The following TP73 variants were observed in gnomAD, a reference collection of about 807,000 sequenced individuals.
TP73 encodes p53-like transcription factor.
A neutral mutation model predicts 62.5 loss-of-function variants in TP73; 25 were observed. The observed-to-expected ratio is 0.40, with a 90% CI of 0.29 to 0.56. TP73 has a LOEUF of 0.56. Among genes scored for constraint, TP73 ranks in the 20% least tolerant of loss-of-function variants. The probability of loss-of-function intolerance (pLI) is 0.46; values close to 1 mark genes in which losing one functional copy is unlikely to be tolerated. For synonymous variants in TP73, 423 were observed against 377.5 expected, an observed-to-expected ratio of 1.12 and a Z score of -1.40; for missense variants, 754 against 913.3, an observed-to-expected ratio of 0.83 and a Z score of 2.25.
At chr1:3,684,238 G>A (rs1224945338) in intron 3 of TP73, among the ~76,000 whole-genome samples, 1 of 152,330 alleles carries the variant, frequency 6.6e-6, no homozygotes, top group Admixed American at 6.5e-5. Context: ...CGCCTCCGCC[G>A]CCCAGGGATT....
chr1:3,732,694 C>A (rs149206128), intron 13 of TP73, 53 bp from the exon 14 acceptor site: 33 of 1,493,452 alleles, frequency 2.2e-5, no homozygotes, highest in African/African-American at 5.6e-5. Context: ...GGCGACCCCC[C>A]CTGCTCTCCC....
At chr1:3,695,547 C>T (rs551067111) in intron 3 of TP73, among the ~76,000 whole-genome samples, 4 of 152,348 alleles carry the variant, frequency 2.6e-5, no homozygotes, top group East Asian at 1.9e-4. Context: ...GCAGCACGGA[C>T]GGATCTGGAG....
chr1:3,721,997 C>T lies in TP73; in HGVS notation c.430-24C>T, dbSNP rs1402894770. The T allele has an allele frequency of 2.5e-6, 4 of 1,585,588 alleles. No individual in the cohort carries two copies. The Admixed American group carries it at 5.2e-5, about 21-fold the overall frequency. ...GGTGCAGTTGGGACCACTGGTCTCACCCGCTCCCTCTCCCCCACTCCAGTA... is the reference window on the plus strand; with the variant it reads ...GGTGCAGTTGGGACCACTGGTCTCATCCGCTCCCTCTCCCCCACTCCAGTA... On this transcript the variant is annotated intron_variant, in intron 4 of 13. Transcript: ENST00000378295.
intron 1 of TP73, among the ~76,000 whole-genome samples, chr1:3,681,285 C>T (rs151070411): frequency 0.012 from 1,883 of 152,332 alleles, 35 homozygotes; most frequent in Non-Finnish European, 0.014. Flanking sequence ...TGTCCCATAG[C>T]ACCTCACCGA....
rs370636186 is a variant in TP73 at position 3,716,650 on chromosome 1, G to A, written c.430-5371G>A. Among the ~76,000 whole-genome samples, 593 of 152,318 alleles carry A rather than the reference G, an allele frequency of 3.9e-3. 4 individuals carry two copies. The highest frequency in any genetic ancestry group is 0.014 in the African/African-American group (563 of 41,570). Reference sequence around the variant, plus strand: ...GCGACAGTGACTGTGCACCAGTGAAGGCCACAGCCTCCCACGAAGGGGGCT... The same window carrying A: ...GCGACAGTGACTGTGCACCAGTGAAAGCCACAGCCTCCCACGAAGGGGGCT... On this transcript the variant is annotated intron_variant, in intron 4 of 13. Coordinates refer to ENST00000378295, the MANE Select transcript of TP73 (RefSeq NM_005427.4).
intron 1 of TP73, among the ~76,000 whole-genome samples, chr1:3,656,703 A>T: frequency 6.6e-6 from 1 of 152,248 alleles, no homozygotes; most frequent in Non-Finnish European, 1.5e-5. Flanking sequence ...CCGTTGGCTC[A>T]GACACGGCCC....
chr1:3,697,870 C>T (rs1233689010), intron 3 of TP73, among the ~76,000 whole-genome samples: 1 of 152,192 alleles, frequency 6.6e-6, no homozygotes, highest in Non-Finnish European at 1.5e-5. Context: ...CGATGGCCCC[C>T]CACAGCCGTC....
chr1:3,669,722 C>T (rs935186188), intron 1 of TP73, among the ~76,000 whole-genome samples: 1 of 152,240 alleles, frequency 6.6e-6, no homozygotes, highest in Non-Finnish European at 1.5e-5. Flanking sequence ...ACGTGGACGG[C>T]AGGAAGGGGC....
Position 3,652,528 on chromosome 1 carries a change from C to G in TP73, c.-147C>G, listed in dbSNP as rs1644777322. The G allele has an allele frequency of 6.6e-6, 1 of 151,840 alleles. No homozygotes were observed. Among genetic ancestry groups the G allele is most frequent in the East Asian group, 1.9e-4 (1 of 5,180 alleles). 9.4% of individuals were successfully genotyped at this position (151,840 alleles called of 1,614,324 possible). A position where few individuals can be genotyped will look rare whatever the true frequency, so the allele number is the denominator to read the frequency against. On this transcript the variant is annotated 5_prime_UTR_variant, in exon 1 of 14. Coordinates refer to ENST00000378295, the MANE Select transcript of TP73 (RefSeq NM_005427.4). Reference sequence around the variant, plus strand: ...GGCCGGGCAGCCCGCCCTGCCTCCCCGCCCGCGCACCCGCCCGGAGGCTCG... The same window carrying G: ...GGCCGGGCAGCCCGCCCTGCCTCCCGGCCCGCGCACCCGCCCGGAGGCTCG...
chr1:3,678,587 G>A (rs1299587000), intron 1 of TP73, among the ~76,000 whole-genome samples: 6 of 152,256 alleles, frequency 3.9e-5, no homozygotes, highest in Non-Finnish European at 7.3e-5. Flanking sequence ...AAGTTCCTCC[G>A]TGTGCTTTAA....
At position 3,722,084 on chromosome 1, in the gene TP73, G is replaced by T. The variant is rs762384282; in HGVS notation, c.493G>T (p.Val165Leu). The T allele has an allele frequency of 6.2e-7, 1 of 1,612,996 alleles. No homozygotes were observed. Among genetic ancestry groups the T allele is most frequent in the Non-Finnish European group, 8.5e-7 (1 of 1,179,804 alleles). ...CAAGACATGCCCCATCCAGATCAAGGTGTCCACCCCGCCACCCCCAGGCAC... is the reference window on the plus strand; with the variant it reads ...CAAGACATGCCCCATCCAGATCAAGTTGTCCACCCCGCCACCCCCAGGCAC... ...IAKTCPIQIK[V>L]STPPPPGTAI... Residue 165 changes from valine (V) to leucine (L), a missense_variant, in exon 5 of 14, where the codon GTG (valine) becomes TTG (leucine). Physicochemically the swap from Val to Leu is conservative, Grantham distance 32 (BLOSUM62 1). Coordinates refer to ENST00000378295, the MANE Select transcript of TP73 (RefSeq NM_005427.4).
In TP73 at chr1:3,727,182, ACCGGCGGC is replaced by A. The variant is rs757114249; in HGVS notation, c.803_810del (p.Arg268HisfsTer21). The A allele has an allele frequency of 6.2e-7, 1 of 1,612,146 alleles. No homozygotes were observed. The highest frequency in any genetic ancestry group is 1.1e-5 in the South Asian group (1 of 91,074). On this transcript the variant is annotated frameshift_variant, in exon 7 of 14. Coordinates refer to ENST00000378295, the MANE Select transcript of TP73 (RefSeq NM_005427.4). LOFTEE classifies it high-confidence loss of function. The stretch of plus-strand genomic sequence containing the variant: ...AACAGCAGCTGTGTAGGGGGCATGA[ACCGGCGGC>A]CCATCCTCATCATCATCACCCTGGA...
At position 3,723,438 on chromosome 1, in the gene TP73, A is replaced by G; in HGVS notation, c.701A>G (p.Gln234Arg). 1 of 1,611,498 alleles carries G rather than the reference A, an allele frequency of 6.2e-7. No individual in the cohort carries two copies. Among genetic ancestry groups the G allele is most frequent in the Non-Finnish European group, 8.5e-7 (1 of 1,179,324 alleles). The change falls in exon 6 of 14, where the codon CAG (glutamine) becomes CGG (arginine). Residue 234 changes from glutamine (Q) to arginine (R), a missense_variant. Physicochemically the swap from Gln to Arg is conservative, Grantham distance 43. Around this residue, in one of 3 missense-constraint regions of TP73, gnomAD observed 61 missense variants for 133.2 expected, o/e 0.46. Transcript: ENST00000378295. ...GTGGATGACCCTGTCACCGGCAGGC[A>G]GAGCGTCGTGGTGCCCTATGAGCCA... ...QYVDDPVTGR[Q>R]SVVVPYEPPQ...
In TP73 at chr1:3,732,904, G is replaced by A. The variant is rs376429700; in HGVS notation, c.1736G>A (p.Arg579His). 1.3e-4 allele frequency: 212 copies of A among 1,610,974 alleles called. No homozygotes were observed. The highest frequency in any genetic ancestry group is 1.7e-4 in the Non-Finnish European group (202 of 1,179,572). The change falls in exon 14 of 14, where the codon CGC (arginine) becomes CAC (histidine). Residue 579 changes from arginine to histidine, a missense_variant. Physicochemically the swap from Arg to His is conservative, Grantham distance 29. Around this residue, in one of 3 missense-constraint regions of TP73, gnomAD observed 458 missense variants for 528.7 expected, o/e 0.87. Transcript: ENST00000378295. ...ATCGGCGGCTCAGGGGAACTGCAGCGCCAGCGGGTCATGGAGGCCGTGCAC... is the reference window on the plus strand; with the variant it reads ...ATCGGCGGCTCAGGGGAACTGCAGCACCAGCGGGTCATGGAGGCCGTGCAC... The part of the protein sequence containing the change: ...ISIGGSGELQ[R>H]QRVMEAVHFR...
intron 1 of TP73, among the ~76,000 whole-genome samples, chr1:3,658,586 G>A (rs1005048443): frequency 2.0e-5 from 3 of 152,170 alleles, no homozygotes; most frequent in South Asian, 2.1e-4. Flanking sequence ...CTTGGCGCGC[G>A]GCTCTCTTCC....
chr1:3,658,177 G>A (rs1397992170), intron 1 of TP73, among the ~76,000 whole-genome samples: 1 of 152,230 alleles, frequency 6.6e-6, no homozygotes, highest in African/African-American at 2.4e-5. Context: ...CCGTGGAGGG[G>A]ACATGGGGGA....
chr1:3,700,475 C>T (rs1382891625), intron 3 of TP73, among the ~76,000 whole-genome samples: 2 of 151,958 alleles, frequency 1.3e-5, no homozygotes, highest in Non-Finnish European at 2.9e-5. Context: ...AACAGGGACA[C>T]AAACTTGAAA....
rs374722422 is a variant in TP73 at position 3,672,510 on chromosome 1, C to T, written c.-33-9823C>T. Among the ~76,000 whole-genome samples the T allele has an allele frequency of 9.9e-5, 15 of 152,190 alleles. No homozygotes were observed. The East Asian group carries it at 1.4e-3, about 14-fold the overall frequency. On this transcript the variant is annotated intron_variant, in intron 1 of 13. Transcript: ENST00000378295. The surrounding 1 kb of genome is among the most constrained non-coding windows in gnomAD (Gnocchi z 5.3). ...CAGTCACCTGCCCTGCTGAGGGCAG[C>T]GCTGTACTCATCACCTGTGAACACA... is the stretch of plus-strand genomic sequence containing the variant.
At position 3,729,330 on chromosome 1, in the gene TP73, C is replaced by A. The variant is rs1275012082; in HGVS notation, c.1078C>A (p.Arg360=). 1 of 1,613,012 alleles carries A rather than the reference C, an allele frequency of 6.2e-7. No homozygotes were observed. The highest frequency in any genetic ancestry group is 8.5e-7 in the Non-Finnish European group (1 of 1,179,960). The stretch of plus-strand genomic sequence containing the variant: ...AGATCTGCTCCTCTGTGCTCAGGTG[C>A]GAGGCCGGGAGAACTTTGAGATCCT... ...GDEDTYYLQV[R]GRENFEILMK... The change falls in exon 10 of 14, where the codon CGA becomes AGA. Residue 360 remains arginine, a synonymous_variant. Coordinates refer to ENST00000378295, the MANE Select transcript of TP73 (RefSeq NM_005427.4).
Sources: gnomAD v4.1 joint callset for allele counts (sites outside exome capture counted in the v4.1 genomes callset) on GRCh38, gnomAD v4.1.1 for gene constraint, gnomAD v4.1.1 regional missense constraint, Gnocchi (gnomAD v3.1) non-coding constraint, MANE v1.5 for transcripts, NCBI Gene and HGNC (gene_info 2026-07-23, HGNC 2026-07-21) for gene names.